The following SRFBP1 variants were observed in gnomAD, a reference collection of about 807,000 sequenced individuals.
SRFBP1 encodes serum response factor binding protein 1, also known as serum response factor-binding protein 1.
Under a neutral mutation model 45.5 loss-of-function variants are expected in SRFBP1, and 47 were observed. That is an observed-to-expected ratio of 1.03 (90% CI 0.82 to 1.32). SRFBP1 has a LOEUF of 1.32. SRFBP1 is among the 40% of genes most tolerant of loss of function. The probability of loss-of-function intolerance (pLI) is 0.00; values close to 1 mark genes in which losing one functional copy is unlikely to be tolerated. For missense variants in SRFBP1, 621 were observed against 484.6 expected (o/e 1.28, Z -2.64); for synonymous variants, 203 against 166.3 (o/e 1.22, Z -1.70).
At chr5:122,003,172 A>C (rs988607512) in intron 4 of SRFBP1, among the ~76,000 whole-genome samples, 6 of 151,878 alleles carry the variant, frequency 4.0e-5, no homozygotes, top group Non-Finnish European at 7.4e-5. Context: ...GTGAAACCCT[A>C]TCTCTACAAA....
At chr5:122,077,465 G>T (rs369582946), downstream of SRFBP1, 5 of 1,613,976 alleles carry the variant, frequency 3.1e-6, no homozygotes, top group African/African-American at 6.7e-5. The surrounding 1 kb of genome is among the most constrained non-coding windows in gnomAD (Gnocchi z 4.9). Flanking sequence ...GTACTTGTAG[G>T]GGTTGTAAGG....
intron 2 of SRFBP1, among the ~76,000 whole-genome samples, chr5:122,043,418 G>T (rs549110934): frequency 2.2e-4 from 34 of 152,186 alleles, no homozygotes; most frequent in African/African-American, 8.2e-4. Flanking sequence ...GTTTCACTCT[G>T]TTGGCCAGGC....
At chr5:122,001,540 T>C (rs1214368960) in intron 4 of SRFBP1, among the ~76,000 whole-genome samples, 2 of 148,954 alleles carry the variant, frequency 1.3e-5, no homozygotes, top group East Asian at 1.9e-4. Flanking sequence ...AGTCATCCTT[T>C]GGTATCTTTT....
Position 122,027,267 on chromosome 5 carries a change from C to G in SRFBP1, c.*141C>G. ...CCTCAAACTCCTGGGCTCAAGTGATCCTCCCACCTCTGCCTCCCAAAGGGC... is the reference window on the plus strand; with the variant it reads ...CCTCAAACTCCTGGGCTCAAGTGATGCTCCCACCTCTGCCTCCCAAAGGGC... On this transcript the variant is annotated 3_prime_UTR_variant, in exon 8 of 8. Transcript: ENST00000339397. 4.8e-6 allele frequency: 3 copies of G among 630,922 alleles called. No homozygotes were observed. The highest frequency in any genetic ancestry group is 7.9e-6 in the Non-Finnish European group (3 of 381,734). 39.1% of individuals were successfully genotyped at this position (630,922 alleles called of 1,614,324 possible).
rs763441085 is a variant in SRFBP1 at position 122,074,149 on chromosome 5, T to C, written n.312-1166T>C. ...ATCAAGCAGGTCATAGTGGCTAAAC[T>C]CATCCATACTGTGGTAATGTCTGAT... On this transcript the variant is annotated intron_variant and non_coding_transcript_variant, in intron 2 of 2. Coordinates refer to the SRFBP1 transcript ENST00000504881. 1.2e-6 allele frequency: 2 copies of C among 1,614,102 alleles called. No homozygotes were observed. The highest frequency in any genetic ancestry group is 3.3e-5 in the Admixed American group (2 of 60,026).
At chr5:121,978,191 T>C (rs1752343470) in intron 3 of SRFBP1, among the ~76,000 whole-genome samples, 1 of 152,212 alleles carries the variant, frequency 6.6e-6, no homozygotes, top group Non-Finnish European at 1.5e-5. Context: ...TTATATTTAC[T>C]GTCTCACTAG....
chr5:121,968,579 C>T (rs940759654), intron 1 of SRFBP1, among the ~76,000 whole-genome samples: 17 of 152,030 alleles, frequency 1.1e-4, no homozygotes, highest in South Asian at 2.1e-4. Flanking sequence ...TATTTATATA[C>T]GTTATTTTCT....
intron 7 of SRFBP1, among the ~76,000 whole-genome samples, chr5:122,026,372 A>G (rs542961804): frequency 3.3e-5 from 5 of 152,376 alleles, no homozygotes; most frequent in South Asian, 2.1e-4. Flanking sequence ...TAATGTTACA[A>G]CTAAAAAAGA....
intron 2 of SRFBP1, among the ~76,000 whole-genome samples, chr5:122,072,546 C>A (rs551261468): frequency 2.0e-5 from 3 of 151,960 alleles, no homozygotes; most frequent in Non-Finnish European, 4.4e-5. Context: ...GAAGTTATAC[C>A]TAGTTTTATG....
intron 4 of SRFBP1, among the ~76,000 whole-genome samples, chr5:122,010,104 T>A (rs1753060283): frequency 6.6e-6 from 1 of 152,182 alleles, no homozygotes; most frequent in Non-Finnish European, 1.5e-5. Flanking sequence ...AAAATTTTTT[T>A]AAATTAATTT....
chr5:122,020,206 T>A lies in SRFBP1; in HGVS notation c.471T>A (p.Asn157Lys). 1 of 1,613,202 alleles carries A rather than the reference T, an allele frequency of 6.2e-7. No homozygotes were observed. The highest frequency in any genetic ancestry group is 8.5e-7 in the Non-Finnish European group (1 of 1,179,768). ...NTLYSNDNGS[N>K]LQREATVISE... Reference sequence around the variant, plus strand: ...TGTATTCAAATGATAATGGAAGTAATTTACAGCGTGAAGCAACTGTCATCA... The same window carrying A: ...TGTATTCAAATGATAATGGAAGTAAATTACAGCGTGAAGCAACTGTCATCA... The change falls in exon 6 of 8, where the codon AAT becomes AAA. Residue 157 changes from asparagine to lysine, a missense_variant. Transcript: ENST00000339397.
Position 122,075,522 on chromosome 5 carries a change from C to T in SRFBP1, n.519C>T, listed in dbSNP as rs575190694. On this transcript the variant is annotated non_coding_transcript_exon_variant, in exon 3 of 3. Transcript: ENST00000504881. The stretch of plus-strand genomic sequence containing the variant: ...AGCACCCTGTGATCATAATCTCTGA[C>T]ATCTGCCCTGTATGCTGTACTGTGA... 3.5e-5 allele frequency: 56 copies of T among 1,610,410 alleles called. 1 individual carries two copies. In the South Asian group the frequency reaches 5.7e-4, roughly 16 times the overall value.
At chr5:121,970,641 A>G (rs1443251459) in intron 1 of SRFBP1, among the ~76,000 whole-genome samples, 1 of 151,988 alleles carries the variant, frequency 6.6e-6, no homozygotes, top group Non-Finnish European at 1.5e-5. Context: ...TAAGAGGTTA[A>G]CTTATCTAGC....
At chr5:122,062,874 GTGTA>G (rs1401725829) in intron 2 of SRFBP1, among the ~76,000 whole-genome samples, 1 of 151,974 alleles carries the variant, frequency 6.6e-6, no homozygotes, top group Admixed American at 6.6e-5. Flanking sequence ...ATGTGTGTGT[GTGTA>G]TGTGTGTGTT....
intron 3 of SRFBP1, among the ~76,000 whole-genome samples, chr5:121,984,049 C>G (rs573803705): frequency 6.6e-6 from 1 of 151,810 alleles, no homozygotes; most frequent in East Asian, 1.9e-4. Flanking sequence ...TCATTCTTAC[C>G]TATGGTTTTG....
At position 122,028,524 on chromosome 5, in the gene SRFBP1, T is replaced by A. The variant is rs879613116; in HGVS notation, c.*1398T>A. On this transcript the variant is annotated 3_prime_UTR_variant, in exon 8 of 8. Transcript: ENST00000339397. ...CAGAAGGCTGAGGCATAAGAATTGC[T>A]TGAACCTGGGAGGTGGAGGTTGCAG... 1 of 152,080 alleles carries A rather than the reference T, an allele frequency of 6.6e-6. No homozygotes were observed. The highest frequency in any genetic ancestry group is 1.5e-5 in the Non-Finnish European group (1 of 68,070). 9.4% of individuals were successfully genotyped at this position (152,080 alleles called of 1,614,324 possible).
intron 2 of SRFBP1, among the ~76,000 whole-genome samples, chr5:122,073,645 T>G (rs771356925): frequency 1.3e-5 from 2 of 152,146 alleles, no homozygotes; most frequent in Non-Finnish European, 2.9e-5. Flanking sequence ...GAGAGTAAAT[T>G]TTTGTTCTTC....
chr5:122,059,078 A>G (rs1754130496), intron 2 of SRFBP1, among the ~76,000 whole-genome samples: 1 of 152,126 alleles, frequency 6.6e-6, no homozygotes, highest in South Asian at 2.1e-4. Context: ...GAAAACCTAA[A>G]CATGAGGACA....
chr5:122,039,585 T>A (rs970682595), intron 2 of SRFBP1, among the ~76,000 whole-genome samples: 1 of 152,170 alleles, frequency 6.6e-6, no homozygotes, highest in Admixed American at 6.5e-5. Context: ...CAGATAATCT[T>A]CCACACTTCT....
Sources: gnomAD v4.1 joint callset for allele counts (sites outside exome capture counted in the v4.1 genomes callset) on GRCh38, gnomAD v4.1.1 for gene constraint, Gnocchi (gnomAD v3.1) non-coding constraint, MANE v1.5 for transcripts, NCBI Gene and HGNC (gene_info 2026-07-23, HGNC 2026-07-21) for gene names.